The following FXN variants were observed in gnomAD, a reference collection of about 807,000 sequenced individuals.
FXN encodes frataxin, also known as frataxin, mitochondrial.
Under a neutral mutation model 22.4 loss-of-function variants are expected in FXN, and 14 were observed. The observed-to-expected ratio is 0.62, with a 90% CI of 0.41 to 0.98. The LOEUF (loss-of-function observed/expected upper bound fraction) is 0.98. Ranked by LOEUF, FXN falls within the 50% of genes least tolerant of loss-of-function variation. The pLI is 0.00. For missense variants in FXN, 267 were observed against 268.4 expected (o/e 0.99, Z 0.04); for synonymous variants, 120 against 114.1 (o/e 1.05, Z -0.33).
chr9:69,067,507 T>C (rs1248559223), intron 4 of FXN, among the ~76,000 whole-genome samples: 1 of 152,188 alleles, frequency 6.6e-6, no homozygotes, highest in African/African-American at 2.4e-5. Context: ...GGACAGTGGC[T>C]GCCGAGCAGT....
chr9:69,071,181 C>G (rs1304031217), intron 4 of FXN: 1 of 519,018 alleles, frequency 1.9e-6, no homozygotes, highest in South Asian at 1.4e-5. Flanking sequence ...AACCCGATAG[C>G]AGTATCAGAG....
chr9:69,062,483 A>C (rs1832092359), intron 3 of FXN, among the ~76,000 whole-genome samples: 1 of 152,182 alleles, frequency 6.6e-6, no homozygotes, highest in African/African-American at 2.4e-5. Context: ...CAGGAAAAAA[A>C]ATGTTTTTTT....
intron 4 of FXN, among the ~76,000 whole-genome samples, chr9:69,068,395 A>G (rs533224981): frequency 6.6e-5 from 10 of 152,194 alleles, no homozygotes; most frequent in Admixed American, 1.3e-4. Context: ...AAGTTCTACA[A>G]TGACTGATGG....
At chr9:69,060,877 G>T (rs912926240) in intron 3 of FXN, among the ~76,000 whole-genome samples, 6 of 152,320 alleles carry the variant, frequency 3.9e-5, no homozygotes, top group Middle Eastern at 3.4e-3. Context: ...AGCATGAAAA[G>T]ACAGATCTCC....
chr9:69,039,211 G>A (rs911318317), intron 1 of FXN, among the ~76,000 whole-genome samples: 2 of 150,792 alleles, frequency 1.3e-5, no homozygotes, highest in African/African-American at 4.9e-5. Context: ...AGCCGAGATC[G>A]CACCACTGCC....
At chr9:69,058,503 C>G (rs1050797359) in intron 3 of FXN, among the ~76,000 whole-genome samples, 4 of 151,872 alleles carry the variant, frequency 2.6e-5, no homozygotes, top group Admixed American at 2.6e-4. Flanking sequence ...TGTCTTAGAA[C>G]TGAGGGTTCT....
intron 1 of FXN, among the ~76,000 whole-genome samples, chr9:69,038,793 CA>C (rs1587813991): frequency 6.6e-6 from 1 of 151,678 alleles, no homozygotes; most frequent in Non-Finnish European, 1.5e-5. Context: ...CTGTGACATA[CA>C]AAAAAAATCA....
At position 69,039,969 on chromosome 9, in the gene FXN, G is replaced by A. The variant is rs1831627160; in HGVS notation, c.165+4022G>A. On this transcript the variant is annotated intron_variant, in intron 1 of 4. Transcript: ENST00000484259. Reference sequence around the variant, plus strand: ...AGGTGTCTTTTTCTTTTCTTATAAAGCCTAACTAGTTTCACTCCCATGATA... The same window carrying A: ...AGGTGTCTTTTTCTTTTCTTATAAAACCTAACTAGTTTCACTCCCATGATA... Among the ~76,000 whole-genome samples, 3 of 152,108 alleles carry A rather than the reference G, an allele frequency of 2.0e-5. No individual in the cohort carries two copies. The South Asian group carries it at 6.2e-4, about 32-fold the overall frequency.
At position 69,059,391 on chromosome 9, in the gene FXN, C is replaced by CTTTTTTTTTT. The variant is rs35159671; in HGVS notation, c.385-5529_385-5520dup. On this transcript the variant is annotated intron_variant, in intron 3 of 4. Coordinates refer to ENST00000484259, the MANE Select transcript of FXN (RefSeq NM_000144.5). Reference sequence around the variant, plus strand: ...AAAAACCCCTGCTCAGAGGCAGCATCTTTTTTTTTTTTTTTTTTTTTTTTT... The same window carrying CTTTTTTTTTT: ...AAAAACCCCTGCTCAGAGGCAGCATCTTTTTTTTTTTTTTTTTTTTTTTTTTTTTTTTTTT... 2.0e-3 allele frequency among the ~76,000 whole-genome samples: 126 copies of CTTTTTTTTTT among 62,996 alleles called. 31 individuals are homozygous for CTTTTTTTTTT. The highest frequency in any genetic ancestry group is 2.4e-3 in the Non-Finnish European group (91 of 37,984). The allele number at this position is 62,996 out of a possible 152,430, so 41.3% of individuals were successfully genotyped here.
At chr9:69,049,191 C>T (rs528867343) in intron 2 of FXN, among the ~76,000 whole-genome samples, 65 of 152,152 alleles carry the variant, frequency 4.3e-4, no homozygotes, top group Non-Finnish European at 6.8e-4. Context: ...CACCTTCCAA[C>T]CTCTTCACTT....
chr9:69,043,915 GTCTC>G (rs1367910177), intron 1 of FXN, among the ~76,000 whole-genome samples: 6 of 151,970 alleles, frequency 3.9e-5, no homozygotes, highest in Non-Finnish European at 8.8e-5. Context: ...TTGAAATGAG[GTCTC>G]TCTATGTTGC....
At chr9:69,041,628 A>G (rs1401641171) in intron 1 of FXN, among the ~76,000 whole-genome samples, 2 of 152,058 alleles carry the variant, frequency 1.3e-5, no homozygotes, top group Non-Finnish European at 2.9e-5. Context: ...TTCACTCTTC[A>G]AGTGCTGTGG....
At chr9:69,035,996 A>T (rs1345475784) in intron 1 of FXN, 49 bp downstream of exon 1, 19 of 1,308,062 alleles carry the variant, frequency 1.5e-5, no homozygotes, top group Non-Finnish European at 1.8e-5. Flanking sequence ...CGCGGGCCGC[A>T]CGCCGCACGC....
At chr9:69,054,715 C>G (rs932853339) in intron 3 of FXN, among the ~76,000 whole-genome samples, 1 of 152,164 alleles carries the variant, frequency 6.6e-6, no homozygotes, top group African/African-American at 2.4e-5. Flanking sequence ...CCACGTTGGC[C>G]AGGCTGGTTT....
In FXN at chr9:69,072,910, T is replaced by TGTGCACAACACAC; in HGVS notation, c.*148_*149insGTGCACAACACAC. On this transcript the variant is annotated 3_prime_UTR_variant, in exon 5 of 5. Transcript: ENST00000484259. ...AGTTGGGCTATGTGTCACAGCTCTG[T>TGTGCACAACACAC]AGAAAGAATGTGTTGCCTCCTACCT... 1 of 1,512,524 alleles carries TGTGCACAACACAC rather than the reference T, an allele frequency of 6.6e-7. No individual in the cohort carries two copies. Among genetic ancestry groups the TGTGCACAACACAC allele is most frequent in the East Asian group, 2.4e-5 (1 of 41,848 alleles). The allele number at this position is 1,512,524 out of a possible 1,614,324, so 93.7% of individuals were successfully genotyped here.
At position 69,061,353 on chromosome 9, in the gene FXN, C is replaced by T. The variant is rs533494714; in HGVS notation, c.385-3585C>T. On this transcript the variant is annotated intron_variant, in intron 3 of 4. Transcript: ENST00000484259. ...GAGAGACATCAAGGCAGACAGGCGCCGCTCATCAGTGATGAGACCAGACCT... is the reference window on the plus strand; with the variant it reads ...GAGAGACATCAAGGCAGACAGGCGCTGCTCATCAGTGATGAGACCAGACCT... Among the ~76,000 whole-genome samples the T allele has an allele frequency of 3.3e-5, 5 of 152,122 alleles. 1 individual carries two copies. In the East Asian group the frequency reaches 7.8e-4, roughly 24 times the overall value.
chr9:69,076,915 A>C lies in FXN; in HGVS notation c.*4153A>C, dbSNP rs973802192. 5.1e-6 allele frequency: 5 copies of C among 985,058 alleles called. No individual in the cohort carries two copies. In the African/African-American group the frequency reaches 8.7e-5, roughly 17 times the overall value. 61.0% of individuals were successfully genotyped at this position (985,058 alleles called of 1,614,324 possible). On this transcript the variant is annotated 3_prime_UTR_variant, in exon 5 of 5. Coordinates refer to ENST00000484259, the MANE Select transcript of FXN (RefSeq NM_000144.5). ...TTCATGACTTTGTGTATAGAGTAAGAAATGCCTTTTCTTTTTTGAGACAGA... is the reference window on the plus strand; with the variant it reads ...TTCATGACTTTGTGTATAGAGTAAGCAATGCCTTTTCTTTTTTGAGACAGA...
rs4745578 is a variant in FXN, at chr9:69,074,077, T to C, written c.*1315T>C. 0.48 allele frequency: 158,484 copies of C among 332,528 alleles called. 38,559 individuals are homozygous for C. Among genetic ancestry groups the C allele is most frequent in the East Asian group, 0.65 (3,746 of 5,806 alleles). 20.6% of individuals were successfully genotyped at this position (332,528 alleles called of 1,614,324 possible). The stretch of plus-strand genomic sequence containing the variant: ...GCAGGTGCCTGTAATCCCAGCTACT[T>C]GGGAGGCTGAAGCGGAAGAATCGCT... On this transcript the variant is annotated 3_prime_UTR_variant, in exon 5 of 5. Coordinates refer to ENST00000484259, the MANE Select transcript of FXN (RefSeq NM_000144.5).
Position 69,077,486 on chromosome 9 carries a change from T to C in FXN, c.*4724T>C, listed in dbSNP as rs1832391810. 13 of 985,450 alleles carry C rather than the reference T, an allele frequency of 1.3e-5. No individual in the cohort carries two copies. Among genetic ancestry groups the C allele is most frequent in the Non-Finnish European group, 1.4e-5 (12 of 829,950 alleles). The allele number at this position is 985,450 out of a possible 1,614,324, so 61.0% of individuals were successfully genotyped here. The stretch of plus-strand genomic sequence containing the variant: ...AAAACATCAGCACCCAGCAGTAAAA[T>C]TGGCTCTCAAAGATTTTCTTCTCCT... On this transcript the variant is annotated 3_prime_UTR_variant, in exon 5 of 5. Transcript: ENST00000484259.
Sources: allele counts gnomAD v4.1 joint callset (sites outside exome capture counted in the v4.1 genomes callset), GRCh38; gene constraint gnomAD v4.1.1; transcripts MANE v1.5; gene names NCBI Gene and HGNC (gene_info 2026-07-23, HGNC 2026-07-21).